Variants in ARPP21 observed in about 807,000 individuals in gnomAD.
ARPP21 encodes the protein cAMP regulated phosphoprotein 21.
Under a neutral mutation model 113.2 loss-of-function variants are expected in ARPP21, and 69 were observed. The observed-to-expected ratio is 0.61, with a 90% CI of 0.50 to 0.74. The LOEUF is 0.74. Among genes scored for constraint, ARPP21 ranks in the 30% least tolerant of loss-of-function variants. The pLI is 0.00. For synonymous variants in ARPP21, 368 were observed against 375.5 expected (o/e 0.98, Z 0.23); for missense variants, 1,070 against 1,037.4 (o/e 1.03, Z -0.43).
rs180804839 is a variant in ARPP21 at position 35,670,396 on chromosome 3, A to G, written c.-212-9391A>G. On this transcript the variant is annotated intron_variant, in intron 1 of 20. Coordinates refer to ENST00000684406, the MANE Select transcript of ARPP21 (RefSeq NM_001385562.1). ...GTTTAAAAAGGAAAAAAAAAGGAAT[A>G]TCAGATAAAGTCAGTCTTACAGCAG... Among the ~76,000 whole-genome samples the G allele has an allele frequency of 3.7e-3, 557 of 152,230 alleles. 3 individuals are homozygous for G. Among genetic ancestry groups the G allele is most frequent in the Non-Finnish European group, 5.6e-3 (381 of 67,998 alleles).
At chr3:35,725,741 G>A (rs2093479813) in intron 14 of ARPP21, among the ~76,000 whole-genome samples, 2 of 151,808 alleles carry the variant, frequency 1.3e-5, no homozygotes, top group Non-Finnish European at 2.9e-5. Context: ...CTTTTCTCTT[G>A]AGGGTTCACC....
At chr3:35,693,239 A>G (rs1316040503) in intron 9 of ARPP21, among the ~76,000 whole-genome samples, 1 of 151,668 alleles carries the variant, frequency 6.6e-6, no homozygotes, top group Non-Finnish European at 1.5e-5. Context: ...GAGTCAAAGC[A>G]AATCATGCCT....
At chr3:35,762,237 A>G (rs547496018) in intron 19 of ARPP21, among the ~76,000 whole-genome samples, 2 of 152,004 alleles carry the variant, frequency 1.3e-5, no homozygotes, top group South Asian at 2.1e-4. Context: ...AATATTTTCA[A>G]TTAAAATTAC....
intron 1 of ARPP21, among the ~76,000 whole-genome samples, chr3:35,664,533 G>C (rs1709300685): frequency 1.3e-5 from 2 of 152,146 alleles, no homozygotes; most frequent in Admixed American, 1.3e-4. Context: ...CTCTGCCAGA[G>C]CGTTCACGAT....
chr3:35,689,374 GAAT>G lies in ARPP21; in HGVS notation c.478_480del (p.Asn160del). 6.6e-7 allele frequency: 1 copy of G among 1,517,710 alleles called. No homozygotes were observed. Among genetic ancestry groups the G allele is most frequent in the Non-Finnish European group, 9.1e-7 (1 of 1,093,612 alleles). 94.0% of individuals were successfully genotyped at this position (1,517,710 alleles called of 1,614,324 possible). ...ACGAGTTTCTGATTAACACATTAAA[GAAT>G]AATTCCAGGTAAATTATTAAATGAG... On this transcript the variant is annotated inframe_deletion, in exon 7 of 21. Coordinates refer to ENST00000684406, the MANE Select transcript of ARPP21 (RefSeq NM_001385562.1).
intron 19 of ARPP21, among the ~76,000 whole-genome samples, chr3:35,761,041 C>A (rs979755278): frequency 1.3e-5 from 2 of 152,068 alleles, no homozygotes; most frequent in Non-Finnish European, 2.9e-5. Flanking sequence ...CATTCTCAAG[C>A]AATTAATATG....
At chr3:35,753,041 A>AGT (rs3086930) in intron 19 of ARPP21, among the ~76,000 whole-genome samples, 17,649 of 143,886 alleles carry the variant, frequency 0.12, 1,536 homozygotes, top group African/African-American at 0.27. Flanking sequence ...TATGGCAGGA[A>AGT]GTGTGTGTGT....
At chr3:35,684,852 G>T (rs1372910403) in intron 5 of ARPP21, 1 of 983,464 alleles carries the variant, frequency 1.0e-6, no homozygotes, top group Non-Finnish European at 1.2e-6. Context: ...CATAAGGCAT[G>T]GACAGGCTAT....
At chr3:35,655,105 A>G (rs969508226) in intron 1 of ARPP21, among the ~76,000 whole-genome samples, 1 of 151,968 alleles carries the variant, frequency 6.6e-6, no homozygotes, top group Non-Finnish European at 1.5e-5. Context: ...AACCTAATTC[A>G]TCATATGCAT....
chr3:35,653,032 T>C (rs1015091315), intron 1 of ARPP21, among the ~76,000 whole-genome samples: 1 of 152,062 alleles, frequency 6.6e-6, no homozygotes, highest in African/African-American at 2.4e-5. Flanking sequence ...TCTACTGATT[T>C]TGAGTTTACC....
chr3:35,746,669 G>A (rs751163601), intron 19 of ARPP21, among the ~76,000 whole-genome samples: 1 of 152,196 alleles, frequency 6.6e-6, no homozygotes, highest in African/African-American at 2.4e-5. Context: ...CAGCTATCAC[G>A]TGGTTAAAAT....
chr3:35,792,321 C>G lies in ARPP21; in HGVS notation c.2138-61C>G, dbSNP rs58371577. ...TGCCTTTTGAACCAGTAGTTTTACC[C>G]CATGAAACATCACTGTGTTCTTTCT... On this transcript the variant is annotated intron_variant, in intron 19 of 20. Transcript: ENST00000684406. 296 of 1,509,168 alleles carry G rather than the reference C, an allele frequency of 2.0e-4. 1 individual carries two copies. In the African/African-American group the frequency reaches 3.4e-3, roughly 17 times the overall value. The allele number at this position is 1,509,168 out of a possible 1,614,324, so 93.5% of individuals were successfully genotyped here.
chr3:35,660,992 C>A (rs1707521923), intron 1 of ARPP21, among the ~76,000 whole-genome samples: 1 of 152,074 alleles, frequency 6.6e-6, no homozygotes, highest in Non-Finnish European at 1.5e-5. Context: ...TTATAAATTT[C>A]TTAAAGGCAG....
chr3:35,781,531 G>A (rs2096527591), intron 19 of ARPP21: 1 of 152,144 alleles, frequency 6.6e-6, no homozygotes, highest in African/African-American at 2.4e-5. Context: ...ATTTGTATTT[G>A]TGTGGACAAG....
At chr3:35,685,338 A>G in intron 5 of ARPP21, 1 of 985,238 alleles carries the variant, frequency 1.0e-6, no homozygotes, top group Non-Finnish European at 1.2e-6. Context: ...TTTGTAGGAG[A>G]GAATGAGAGC....
rs755093247 is a variant in ARPP21 at position 35,743,996 on chromosome 3, C to T, written c.2137+31C>T. 6 of 1,613,172 alleles carry T rather than the reference C, an allele frequency of 3.7e-6. No homozygotes were observed. In the South Asian group the frequency reaches 5.5e-5, roughly 15 times the overall value. Reference sequence around the variant, plus strand: ...TGGAATCTGTTTCCCATTTGCTTCTCAACCCAGTTATTTTTGCTGGTGAAT... The same window carrying T: ...TGGAATCTGTTTCCCATTTGCTTCTTAACCCAGTTATTTTTGCTGGTGAAT... On this transcript the variant is annotated intron_variant, in intron 19 of 20. Coordinates refer to ENST00000684406, the MANE Select transcript of ARPP21 (RefSeq NM_001385562.1).
At position 35,683,797 on chromosome 3, in the gene ARPP21, T is replaced by C. The variant is rs201097001; in HGVS notation, c.243T>C (p.Gly81=). 61 of 1,527,382 alleles carry C rather than the reference T, an allele frequency of 4.0e-5. No individual in the cohort carries two copies. In the East Asian group the frequency reaches 7.9e-4, roughly 20 times the overall value. 94.6% of individuals were successfully genotyped at this position (1,527,382 alleles called of 1,614,324 possible). The part of the protein sequence containing the change: ...VCEESSARPG[G]ESLQDQESIH... ...AGGAATCTTCTGCCAGACCAGGAGG[T>C]GAAAGTCTTCAGGATCAGGTATATC... Residue 81 remains glycine (G), a synonymous_variant, in exon 5 of 21, where the codon GGT becomes GGC. Coordinates refer to ENST00000684406, the MANE Select transcript of ARPP21 (RefSeq NM_001385562.1).
In ARPP21 at chr3:35,715,425, T is replaced by C; in HGVS notation, c.898-14T>C. ...CCAGAACTTCTGATCCAATGCCTTTTTTTTATTTTTCAGTCAGTTTGCTCC... is the reference window on the plus strand; with the variant it reads ...CCAGAACTTCTGATCCAATGCCTTTCTTTTATTTTTCAGTCAGTTTGCTCC... On this transcript the variant is annotated splice_polypyrimidine_tract_variant and intron_variant, in intron 11 of 20. Transcript: ENST00000684406. The C allele has an allele frequency of 1.2e-6, 2 of 1,612,462 alleles. No homozygotes were observed. The highest frequency in any genetic ancestry group is 1.7e-6 in the Non-Finnish European group (2 of 1,178,820).
At chr3:35,733,378 C>A (rs377436572) in intron 15 of ARPP21, among the ~76,000 whole-genome samples, 2 of 152,168 alleles carry the variant, frequency 1.3e-5, no homozygotes, top group South Asian at 2.1e-4. Context: ...GCATTTAATC[C>A]TTTTCTCTGC....
Sources: allele counts gnomAD v4.1 joint callset (sites outside exome capture counted in the v4.1 genomes callset), GRCh38; gene constraint gnomAD v4.1.1; transcripts MANE v1.5; gene names NCBI Gene and HGNC (gene_info 2026-07-23, HGNC 2026-07-21).